The following TAFA4 variants were observed in gnomAD, a reference collection of about 807,000 sequenced individuals.
TAFA4 encodes TAFA chemokine like family member 4.
In TAFA4, 20 loss-of-function variants were observed where a neutral mutation model predicts 21.1. The observed-to-expected ratio is 0.95, with a 90% CI of 0.67 to 1.38. The LOEUF (loss-of-function observed/expected upper bound fraction) is 1.38. TAFA4 is among the 40% of genes most tolerant of loss of function. TAFA4 has a pLI of 0.00. For missense variants in TAFA4, 211 were observed against 180.9 expected (o/e 1.17, Z -0.95); for synonymous variants, 71 against 67.4 (o/e 1.05, Z -0.26).
At chr3:68,808,030 T>C (rs1703742166) in intron 3 of TAFA4, among the ~76,000 whole-genome samples, 1 of 151,962 alleles carries the variant, frequency 6.6e-6, no homozygotes, top group Non-Finnish European at 1.5e-5. Flanking sequence ...ATATAGATTA[T>C]ATTATGTGTA....
At chr3:68,806,434 C>T (rs1436931734) in intron 3 of TAFA4, among the ~76,000 whole-genome samples, 1 of 152,148 alleles carries the variant, frequency 6.6e-6, no homozygotes, top group African/African-American at 2.4e-5. Context: ...TTCTATGTTA[C>T]ATATTTATGT....
At chr3:68,871,243 AG>A (rs2089479582) in intron 3 of TAFA4, among the ~76,000 whole-genome samples, 1 of 152,156 alleles carries the variant, frequency 6.6e-6, no homozygotes, top group Admixed American at 6.6e-5. Context: ...TCTACTGTAA[AG>A]ACACATGCAC....
intron 1 of TAFA4, among the ~76,000 whole-genome samples, chr3:68,920,499 A>C (rs139735398): frequency 5.9e-4 from 90 of 152,308 alleles, no homozygotes; most frequent in African/African-American, 2.1e-3. Context: ...CTTCCTGCTC[A>C]TGTTTGGATT....
At chr3:68,885,131 T>G (rs780457990) in intron 2 of TAFA4, 44 bp downstream of exon 2, 1 of 1,601,366 alleles carries the variant, frequency 6.2e-7, no homozygotes, top group African/African-American at 1.3e-5. Context: ...TTCTCAATAC[T>G]TTGTAAAGAT....
At chr3:68,873,462 G>C (rs980758493) in intron 3 of TAFA4, among the ~76,000 whole-genome samples, 5 of 151,658 alleles carry the variant, frequency 3.3e-5, no homozygotes, top group Non-Finnish European at 7.4e-5. Flanking sequence ...AACTAGACAA[G>C]TAATTCATAT....
At chr3:68,816,426 G>A (rs952433766) in intron 3 of TAFA4, among the ~76,000 whole-genome samples, 13 of 152,110 alleles carry the variant, frequency 8.5e-5, no homozygotes, top group East Asian at 1.9e-4. Context: ...TTGAAAAATC[G>A]TTTATGTACT....
intron 3 of TAFA4, among the ~76,000 whole-genome samples, chr3:68,865,762 A>G (rs1358988690): frequency 6.6e-6 from 1 of 152,116 alleles, no homozygotes; most frequent in Non-Finnish European, 1.5e-5. Flanking sequence ...CTCCTGCCTC[A>G]GCTTCCAAAG....
intron 3 of TAFA4, among the ~76,000 whole-genome samples, chr3:68,810,665 A>G (rs940986993): frequency 7.2e-5 from 11 of 152,184 alleles, no homozygotes; most frequent in African/African-American, 1.9e-4. Context: ...AGGTAAACAA[A>G]GCAGCCAGGA....
chr3:68,906,538 G>T (rs1004281830), intron 1 of TAFA4, among the ~76,000 whole-genome samples: 1 of 152,196 alleles, frequency 6.6e-6, no homozygotes, highest in African/African-American at 2.4e-5. Context: ...GGGAAAGGTT[G>T]CAAAACTGAT....
At chr3:68,759,948 A>G (rs959582695) in intron 3 of TAFA4, among the ~76,000 whole-genome samples, 11 of 152,134 alleles carry the variant, frequency 7.2e-5, no homozygotes, top group African/African-American at 2.2e-4. Flanking sequence ...ACAGCATACT[A>G]TGTGCCAGAG....
intron 3 of TAFA4, among the ~76,000 whole-genome samples, chr3:68,768,319 G>A (rs1252352134): frequency 6.6e-6 from 1 of 152,108 alleles, no homozygotes; most frequent in East Asian, 1.9e-4. Flanking sequence ...TTTCTCAAAA[G>A]ATGACATACA....
At chr3:68,844,415 T>C (rs1210620978) in intron 3 of TAFA4, among the ~76,000 whole-genome samples, 1 of 152,132 alleles carries the variant, frequency 6.6e-6, no homozygotes, top group Non-Finnish European at 1.5e-5. Context: ...TCTTTTCTTC[T>C]TTATTAGTCT....
At chr3:68,784,977 T>C (rs538784934) in intron 3 of TAFA4, among the ~76,000 whole-genome samples, 12 of 152,240 alleles carry the variant, frequency 7.9e-5, no homozygotes, top group Admixed American at 2.0e-4. Context: ...AAGGTGCTGA[T>C]TGGTGTGTTT....
chr3:68,772,497 G>A (rs1224175814), intron 3 of TAFA4, among the ~76,000 whole-genome samples: 1 of 152,118 alleles, frequency 6.6e-6, no homozygotes, highest in East Asian at 1.9e-4. Flanking sequence ...CTGGATCTGG[G>A]ACACTCATCT....
chr3:68,774,923 C>T (rs1434267342), intron 3 of TAFA4, among the ~76,000 whole-genome samples: 4 of 151,972 alleles, frequency 2.6e-5, no homozygotes, highest in South Asian at 2.1e-4. Context: ...TACTTGTTCT[C>T]GGGATATTAA....
intron 5 of TAFA4, 90 bp downstream of exon 5, chr3:68,738,985 A>C: frequency 2.0e-6 from 3 of 1,531,624 alleles, no homozygotes; most frequent in Non-Finnish European, 2.7e-6. Context: ...AACACATAAT[A>C]ATGTGTTCTT....
At chr3:68,788,608 T>C (rs1022311793) in intron 3 of TAFA4, among the ~76,000 whole-genome samples, 2 of 151,990 alleles carry the variant, frequency 1.3e-5, no homozygotes, top group African/African-American at 4.8e-5. Flanking sequence ...TTAGGCGTTG[T>C]GTTTACATAT....
At chr3:68,882,490 C>A (rs931626669) in intron 2 of TAFA4, among the ~76,000 whole-genome samples, 6 of 152,174 alleles carry the variant, frequency 3.9e-5, no homozygotes, top group Admixed American at 3.3e-4. Flanking sequence ...AGAAGGGTCT[C>A]CACAGTCCCT....
intron 3 of TAFA4, among the ~76,000 whole-genome samples, chr3:68,857,717 A>G (rs760602723): frequency 6.6e-6 from 1 of 152,094 alleles, no homozygotes; most frequent in Non-Finnish European, 1.5e-5. Context: ...AATTTGTTCC[A>G]AAGTGTTCAA....
Sources: allele counts gnomAD v4.1 joint callset (sites outside exome capture counted in the v4.1 genomes callset), GRCh38; gene constraint gnomAD v4.1.1; transcripts MANE v1.5; gene names NCBI Gene and HGNC (gene_info 2026-07-23, HGNC 2026-07-21).